The following GADL1 variants were observed in gnomAD, a reference collection of about 807,000 sequenced individuals.
The protein encoded by GADL1 is GAD like acidic amino acid decarboxylase 1, also known as acidic amino acid decarboxylase GADL1.
In GADL1, 71 loss-of-function variants were observed where a neutral mutation model predicts 69.5. The ratio of observed to expected loss-of-function variants is 1.02; its 90% CI spans 0.84 to 1.25. The LOEUF is 1.25. Ranked by LOEUF, GADL1 falls within the 50% of genes most tolerant of loss-of-function variation. The pLI is 0.00. For missense variants in GADL1, 737 were observed against 631.8 expected (o/e 1.17, Z -1.79); for synonymous variants, 254 against 214.4 (o/e 1.18, Z -1.62).
chr3:30,812,668 T>C (rs1209205970), intron 11 of GADL1, among the ~76,000 whole-genome samples: 1 of 152,170 alleles, frequency 6.6e-6, no homozygotes, highest in Non-Finnish European at 1.5e-5. Context: ...TACTGTGATA[T>C]GGAAGAAGAA....
intron 6 of GADL1, among the ~76,000 whole-genome samples, chr3:30,845,174 AGC>A (rs1449190223): frequency 2.6e-5 from 4 of 152,226 alleles, no homozygotes; most frequent in African/African-American, 4.8e-5. Context: ...TACTTTACTC[AGC>A]TATGGCATGA....
intron 14 of GADL1, among the ~76,000 whole-genome samples, chr3:30,757,407 T>C: frequency 6.6e-6 from 1 of 152,072 alleles, no homozygotes; most frequent in East Asian, 1.9e-4. Context: ...AAAGCATAAA[T>C]GCTTAGGACA....
chr3:30,833,776 G>A, intron 11 of GADL1, 77 bp downstream of exon 11: 1 of 977,106 alleles, frequency 1.0e-6, no homozygotes. Context: ...ACCAAGAGAT[G>A]AGCAAAAATG....
chr3:30,784,215 T>C (rs1023789032), intron 13 of GADL1, among the ~76,000 whole-genome samples: 1 of 152,196 alleles, frequency 6.6e-6, no homozygotes, highest in African/African-American at 2.4e-5. Context: ...AGCCAGTTCA[T>C]ATTCAAAACT....
chr3:30,824,036 A>G lies in GADL1; in HGVS notation c.1050+9817T>C, dbSNP rs190263386. Among the ~76,000 whole-genome samples, 122 of 152,022 alleles carry G rather than the reference A, an allele frequency of 8.0e-4. 2 individuals are homozygous for G. In the East Asian group the frequency reaches 0.024, roughly 29 times the overall value. On this transcript the variant is annotated intron_variant, in intron 11 of 14. Coordinates refer to ENST00000282538, the MANE Select transcript of GADL1 (RefSeq NM_207359.3). Reference sequence around the variant, plus strand: ...TTTAATTGACATGCCAGAAAAGGAGAGAGAAATGAAAGCAGGGATAATAAT... The same window carrying G: ...TTTAATTGACATGCCAGAAAAGGAGGGAGAAATGAAAGCAGGGATAATAAT...
intron 14 of GADL1, among the ~76,000 whole-genome samples, chr3:30,741,112 G>A (rs537716202): frequency 8.8e-6 from 1 of 113,906 alleles, no homozygotes; most frequent in African/African-American, 4.2e-5. Context: ...TGTATTCCTA[G>A]TATATATATA....
chr3:30,810,072 A>G (rs913280551), intron 11 of GADL1, among the ~76,000 whole-genome samples: 1 of 152,152 alleles, frequency 6.6e-6, no homozygotes, highest in African/African-American at 2.4e-5. Context: ...CTTCTGCCAT[A>G]TAGTGACATG....
chr3:30,752,282 AAC>A (rs561771621), intron 14 of GADL1, among the ~76,000 whole-genome samples: 21 of 152,204 alleles, frequency 1.4e-4, no homozygotes, highest in Admixed American at 4.6e-4. Flanking sequence ...GCTGGCACGA[AAC>A]ACAGCTTAAC....
At chr3:30,832,796 A>T (rs1697813884) in intron 11 of GADL1, among the ~76,000 whole-genome samples, 1 of 152,042 alleles carries the variant, frequency 6.6e-6, no homozygotes, top group African/African-American at 2.4e-5. Flanking sequence ...TAAATTTAAA[A>T]ATTAAATGGT....
chr3:30,885,846 ATCC>A (rs542564112), intron 1 of GADL1, among the ~76,000 whole-genome samples: 1 of 152,144 alleles, frequency 6.6e-6, no homozygotes, highest in South Asian at 2.1e-4. Context: ...ATCTCAAGTG[ATCC>A]TCCTACTTTG....
intron 1 of GADL1, among the ~76,000 whole-genome samples, chr3:30,878,684 C>G (rs890227090): frequency 6.6e-6 from 1 of 151,884 alleles, no homozygotes; most frequent in Non-Finnish European, 1.5e-5. Context: ...TATCCAAAGA[C>G]AGTGCCAGTG....
intron 14 of GADL1, among the ~76,000 whole-genome samples, chr3:30,754,632 C>CA (rs11324385): frequency 0.1 from 14,887 of 149,512 alleles, 2,145 homozygotes; most frequent in African/African-American, 0.32. Context: ...GCCAAGAATA[C>CA]AAAAAAAAAA....
chr3:30,766,981 A>G (rs1372977272), intron 14 of GADL1, among the ~76,000 whole-genome samples: 2 of 152,220 alleles, frequency 1.3e-5, no homozygotes, highest in African/African-American at 4.8e-5. Context: ...TTCAAATATG[A>G]GGTAACAGGA....
At chr3:30,805,413 T>C (rs1697232367) in intron 11 of GADL1, among the ~76,000 whole-genome samples, 1 of 152,078 alleles carries the variant, frequency 6.6e-6, no homozygotes, top group Non-Finnish European at 1.5e-5. Context: ...GAGAGAACAC[T>C]GAGCTAGAGG....
At chr3:30,891,557 T>C (rs59768013) in intron 1 of GADL1, among the ~76,000 whole-genome samples, 6,892 of 152,032 alleles carry the variant, frequency 0.045, 545 homozygotes, top group African/African-American at 0.16. Context: ...GATTAGGTGT[T>C]AGGAGTGTAG....
intron 14 of GADL1, among the ~76,000 whole-genome samples, chr3:30,757,483 G>A (rs9837380): frequency 0.093 from 14,108 of 152,114 alleles, 1,773 homozygotes; most frequent in African/African-American, 0.29. Context: ...TTTATGAGCA[G>A]GTATATCCTT....
At chr3:30,788,569 GT>G (rs1327602281) in intron 12 of GADL1, among the ~76,000 whole-genome samples, 1 of 152,162 alleles carries the variant, frequency 6.6e-6, no homozygotes, top group Non-Finnish European at 1.5e-5. Context: ...CAACAATGAA[GT>G]TTGCCACATT....
At chr3:30,778,131 C>CT in intron 14 of GADL1, 48 bp downstream of exon 14, 1 of 1,034,954 alleles carries the variant, frequency 9.7e-7, no homozygotes, top group South Asian at 1.3e-5. Flanking sequence ...ATAATGTACA[C>CT]TGAATCTACT....
At chr3:30,736,175 CAT>C (rs1695538998) in intron 14 of GADL1, among the ~76,000 whole-genome samples, 1 of 152,034 alleles carries the variant, frequency 6.6e-6, no homozygotes, top group African/African-American at 2.4e-5. Context: ...CCATTTTATA[CAT>C]GTTTTCCTGT....
Sources: gnomAD v4.1 joint callset for allele counts (sites outside exome capture counted in the v4.1 genomes callset) on GRCh38, gnomAD v4.1.1 for gene constraint, MANE v1.5 for transcripts, NCBI Gene and HGNC (gene_info 2026-07-23, HGNC 2026-07-21) for gene names.